The following CREBZF variants were observed in gnomAD, a reference collection of about 807,000 sequenced individuals.
CREBZF encodes HCF-binding transcription factor Zhangfei.
A neutral mutation model predicts 21.1 loss-of-function variants in CREBZF; 8 were observed. The ratio of observed to expected loss-of-function variants is 0.38; its 90% CI spans 0.22 to 0.68. The LOEUF is 0.68. Ranked by LOEUF, CREBZF falls within the 30% of genes least tolerant of loss-of-function variation. CREBZF has a pLI of 0.51. For missense variants in CREBZF, 518 were observed against 484.3 expected (o/e 1.07, Z -0.65); for synonymous variants, 270 against 223.3 (o/e 1.21, Z -1.86).
chr11:85,669,256 T>C (rs1056088148), upstream of CREBZF, among the ~76,000 whole-genome samples: 5 of 152,212 alleles, frequency 3.3e-5, no homozygotes, highest in Middle Eastern at 3.4e-3. Context: ...GGGTTTTTTA[T>C]ATTGGGGAGG....
intron 1 of CREBZF, among the ~76,000 whole-genome samples, chr11:85,677,039 C>T (rs1402665164): frequency 6.8e-6 from 1 of 146,710 alleles, no homozygotes; most frequent in Non-Finnish European, 1.5e-5. Flanking sequence ...TCTCGGCTCA[C>T]TGCAACCTCC....
chr11:85,665,171 C>A, upstream of CREBZF: 1 of 383,080 alleles, frequency 2.6e-6, no homozygotes, highest in Non-Finnish European at 4.8e-6. Context: ...TTTCGCGCGC[C>A]ACCAGGCCGT....
Position 85,663,901 on chromosome 11 carries a change from T to G in CREBZF, c.975A>C (p.Gly325=). Reference sequence around the variant, plus strand: ...CCTTGTCCACATGGAGACAGACTCCTCCCGCCGAGTCGTCCTCTTCCAGCA... The same window carrying G: ...CCTTGTCCACATGGAGACAGACTCCGCCCGCCGAGTCGTCCTCTTCCAGCA... ...QDLLEEDDSA[G]GVCLHVDKDK... is the part of the protein sequence containing the mutation. Residue 325 remains glycine, a synonymous_variant, in exon 1 of 1, where the codon GGA becomes GGC. Coordinates refer to ENST00000527447, the MANE Select transcript of CREBZF (RefSeq NM_001039618.4). The G allele has an allele frequency of 6.2e-7, 1 of 1,613,058 alleles. No individual in the cohort carries two copies. Among genetic ancestry groups the G allele is most frequent in the Non-Finnish European group, 8.5e-7 (1 of 1,179,970 alleles).
chr11:85,682,837 T>C (rs903314188), exon 1 of CREBZF: 2 of 702,252 alleles, frequency 2.8e-6, no homozygotes, highest in Non-Finnish European at 5.2e-6. Flanking sequence ...TTGGGATGGA[T>C]GAGCCGAGCT....
At position 85,664,262 on chromosome 11, in the gene CREBZF, G is replaced by A. The variant is rs773878452; in HGVS notation, c.614C>T (p.Ala205Val). 1 of 1,612,526 alleles carries A rather than the reference G, an allele frequency of 6.2e-7. No homozygotes were observed. Among genetic ancestry groups the A allele is most frequent in the East Asian group, 2.2e-5 (1 of 44,816 alleles). The change falls in exon 1 of 1, where the codon GCG becomes GTG. Residue 205 changes from alanine (A) to valine (V), a missense_variant. Ala to Val is a moderately conservative substitution (Grantham distance 64). Transcript: ENST00000527447. This position sits in a 1 kb window ranked among gnomAD's most constrained non-coding sequence, Gnocchi z 5.5. The stretch of plus-strand genomic sequence containing the variant: ...CGCCTTCCGGGGACTCTTTGTCGCC[G>A]CCTGGTTGTTGTCGTTACCGCTGCC... ...GGGSGNDNNQAATKSPRKAAA... is the reference protein window; with the variant it reads ...GGGSGNDNNQVATKSPRKAAA...
upstream of CREBZF, among the ~76,000 whole-genome samples, chr11:85,666,727 T>TTGAG (rs540196527): frequency 3.2e-4 from 49 of 152,210 alleles, no homozygotes; most frequent in Non-Finnish European, 4.1e-4. Flanking sequence ...TCAACAAATA[T>TTGAG]TGAGTGAGTG....
At chr11:85,677,466 T>C (rs1208698168) in intron 1 of CREBZF, among the ~76,000 whole-genome samples, 1 of 152,174 alleles carries the variant, frequency 6.6e-6, no homozygotes, top group Non-Finnish European at 1.5e-5. Flanking sequence ...AGGACAGCAA[T>C]CCCCCACCCC....
At chr11:85,682,592 A>T in intron 1 of CREBZF, 8 of 347,166 alleles carry the variant, frequency 2.3e-5, no homozygotes, top group Middle Eastern at 8.4e-4. Flanking sequence ...ACGCGCCCCT[A>T]CCCCCTGCCC....
chr11:85,663,857 A>T lies in CREBZF; in HGVS notation c.1019T>A (p.Phe340Tyr). 6.2e-7 allele frequency: 1 copy of T among 1,609,216 alleles called. No homozygotes were observed. Among genetic ancestry groups the T allele is most frequent in the Non-Finnish European group, 8.5e-7 (1 of 1,179,280 alleles). Residue 340 changes from phenylalanine (F) to tyrosine (Y), a missense_variant, in exon 1 of 1, where the codon TTC becomes TAC. By Grantham distance (22) the Phe-to-Tyr change is conservative (BLOSUM62 3). This residue lies in a region of CREBZF where 114 missense variants were observed against 134.1 expected (regional missense o/e 0.85). Coordinates refer to ENST00000527447, the MANE Select transcript of CREBZF (RefSeq NM_001039618.4). Reference protein sequence around the residue: ...HVDKDKVSVEFCSACARKASS... With the variant: ...HVDKDKVSVEYCSACARKASS... ...CGCCTTCCGGGCGCACGCCGAGCAG[A>T]ACTCCACCGACACCTTATCCTTGTC... is the stretch of plus-strand genomic sequence containing the variant.
chr11:85,667,018 A>G (rs1336869433), upstream of CREBZF, among the ~76,000 whole-genome samples: 3 of 152,194 alleles, frequency 2.0e-5, no homozygotes, highest in Non-Finnish European at 4.4e-5. Flanking sequence ...GCAAAATTCA[A>G]TATTATTAAC....
chr11:85,663,529 TG>T lies in CREBZF; in HGVS notation c.*281del. 8.8e-7 allele frequency: 1 copy of T among 1,134,116 alleles called. No homozygotes were observed. The allele number at this position is 1,134,116 out of a possible 1,614,324, so 70.3% of individuals were successfully genotyped here. A position where few individuals can be genotyped will look rare whatever the true frequency, so the allele number is the denominator to read the frequency against. ...GGGAAGAGATGGATCCTTACCAGGTTGTGAGGCGGGAACGACTGTTCTGTAA... is the reference window on the plus strand; with the variant it reads ...GGGAAGAGATGGATCCTTACCAGGTTTGAGGCGGGAACGACTGTTCTGTAA... On this transcript the variant is annotated 3_prime_UTR_variant, in exon 1 of 1. Transcript: ENST00000527447.
Position 85,663,943 on chromosome 11 carries a change from T to G in CREBZF, c.933A>C (p.Gly311=). The change falls in exon 1 of 1, where the codon GGA becomes GGC. Residue 311 remains glycine, a synonymous_variant. Coordinates refer to ENST00000527447, the MANE Select transcript of CREBZF (RefSeq NM_001039618.4). ...CTTCCAGCAGGTCCTGCTTCTGCTT[T>G]CCCACCGGCAGAGCGTAGTCGTGGT... ...AGDHDYALPV[G]KQKQDLLEED... 6.2e-7 allele frequency: 1 copy of G among 1,613,800 alleles called. No homozygotes were observed. Among genetic ancestry groups the G allele is most frequent in the South Asian group, 1.1e-5 (1 of 91,070 alleles).
chr11:85,672,716 T>G (rs1293711218), intron 1 of CREBZF, among the ~76,000 whole-genome samples: 1 of 152,250 alleles, frequency 6.6e-6, no homozygotes, highest in African/African-American at 2.4e-5. Flanking sequence ...TCACGATGGC[T>G]GTCTTCACCT....
At chr11:85,682,596 C>T (rs892407006) in intron 1 of CREBZF, 2 of 472,902 alleles carry the variant, frequency 4.2e-6, no homozygotes, top group African/African-American at 2.8e-5. Flanking sequence ...GCCCCTACCC[C>T]CTGCCCTACT....
At chr11:85,669,333 A>G (rs1170260215), upstream of CREBZF, among the ~76,000 whole-genome samples, 9 of 152,092 alleles carry the variant, frequency 5.9e-5, no homozygotes, top group African/African-American at 1.7e-4. Context: ...TATCTCACGT[A>G]TCTACATTAT....
In CREBZF at chr11:85,664,297, GCCT is replaced by G. The variant is rs775387975; in HGVS notation, c.576_578del (p.Gly197del). ...TGTCGTTACCGCTGCCGCCACCGCC[GCCT>G]CCTCCTGGGGACTTTCTCCGCCTCT... On this transcript the variant is annotated inframe_deletion, in exon 1 of 1. Transcript: ENST00000527447. This position sits in a 1 kb window ranked among gnomAD's most constrained non-coding sequence, Gnocchi z 5.5. 1 of 1,612,000 alleles carries G rather than the reference GCCT, an allele frequency of 6.2e-7. No homozygotes were observed. The highest frequency in any genetic ancestry group is 8.5e-7 in the Non-Finnish European group (1 of 1,179,410).
At chr11:85,682,625 CAGACGCG>C in intron 1 of CREBZF, 1 of 375,868 alleles carries the variant, frequency 2.7e-6, no homozygotes, top group Non-Finnish European at 4.8e-6. Flanking sequence ...CGCGATCTTC[CAGACGCG>C]CTCTTCCCCC....
At chr11:85,667,274 T>C (rs1211141926), upstream of CREBZF, among the ~76,000 whole-genome samples, 1 of 142,934 alleles carries the variant, frequency 7.0e-6, no homozygotes, top group Non-Finnish European at 1.5e-5. Context: ...GGTTTCACCA[T>C]GTTGGTCAGG....
upstream of CREBZF, among the ~76,000 whole-genome samples, chr11:85,668,572 G>C (rs1168344211): frequency 4.0e-5 from 6 of 151,666 alleles, no homozygotes; most frequent in Admixed American, 1.3e-4. Context: ...TTATTATCTT[G>C]ACTGATAATA....
Sources: allele counts gnomAD v4.1 joint callset (sites outside exome capture counted in the v4.1 genomes callset), GRCh38; gene constraint gnomAD v4.1.1; regional missense constraint gnomAD v4.1.1; non-coding constraint Gnocchi (gnomAD v3.1); transcripts MANE v1.5; gene names NCBI Gene and HGNC (gene_info 2026-07-23, HGNC 2026-07-21).